Variants in HOMER1 observed in about 807,000 individuals in gnomAD.
HOMER1 encodes the protein homer protein homolog 1.
HOMER1 carries 3 observed loss-of-function variants against 48.9 expected under a neutral mutation model. That is an observed-to-expected ratio of 0.06 (90% CI 0.03 to 0.16). The LOEUF is 0.16. Ranked by LOEUF, HOMER1 falls within the 10% of genes least tolerant of loss-of-function variation. The pLI is 1.00. For synonymous variants in HOMER1, 134 were observed against 146.4 expected, an observed-to-expected ratio of 0.92 and a Z score of 0.61; for missense variants, 247 against 411.4, an observed-to-expected ratio of 0.60 and a Z score of 3.46.
chr5:79,394,913 T>C (rs528914274), intron 8 of HOMER1, among the ~76,000 whole-genome samples: 2 of 152,326 alleles, frequency 1.3e-5, no homozygotes, highest in African/African-American at 4.8e-5. Context: ...TTGATATAAA[T>C]ATATCATCTC....
intron 1 of HOMER1, among the ~76,000 whole-genome samples, chr5:79,460,055 A>G (rs995012836): frequency 6.6e-6 from 1 of 152,112 alleles, no homozygotes. Flanking sequence ...GGTTCTCACT[A>G]TATTGCCCAG....
chr5:79,383,570 G>A (rs1039362476), intron 8 of HOMER1, among the ~76,000 whole-genome samples: 1 of 152,002 alleles, frequency 6.6e-6, no homozygotes, highest in African/African-American at 2.4e-5. Context: ...ATTTTTAGTA[G>A]AGACAGAGTT....
intron 1 of HOMER1, among the ~76,000 whole-genome samples, chr5:79,466,806 T>C (rs951898885): frequency 6.6e-6 from 1 of 152,074 alleles, no homozygotes; most frequent in Non-Finnish European, 1.5e-5. Flanking sequence ...AAACTATTTT[T>C]TTTTTAGACA....
At chr5:79,449,938 T>C (rs1177105204) in intron 3 of HOMER1, among the ~76,000 whole-genome samples, 2 of 152,058 alleles carry the variant, frequency 1.3e-5, no homozygotes, top group Non-Finnish European at 2.9e-5. Flanking sequence ...GAAAATAAAA[T>C]AGATTCAATA....
intron 1 of HOMER1, among the ~76,000 whole-genome samples, chr5:79,508,101 C>T (rs1286986194): frequency 6.6e-6 from 1 of 152,176 alleles, no homozygotes; most frequent in African/African-American, 2.4e-5. Context: ...AGACACAAAA[C>T]CAAATTGTAA....
intron 1 of HOMER1, among the ~76,000 whole-genome samples, chr5:79,493,626 G>C (rs955584172): frequency 6.6e-6 from 1 of 151,986 alleles, no homozygotes; most frequent in Non-Finnish European, 1.5e-5. Flanking sequence ...CCTTTCCTTC[G>C]GTCTATGAGG....
chr5:79,449,692 C>T (rs182257932), intron 3 of HOMER1, among the ~76,000 whole-genome samples: 1 of 152,156 alleles, frequency 6.6e-6, no homozygotes, highest in Non-Finnish European at 1.5e-5. Flanking sequence ...CTAGGCCGGT[C>T]TTGAACTCCT....
At chr5:79,437,895 G>A (rs1009830306) in intron 5 of HOMER1, among the ~76,000 whole-genome samples, 1 of 152,092 alleles carries the variant, frequency 6.6e-6, no homozygotes, top group African/African-American at 2.4e-5. Context: ...GTCCTCAGGT[G>A]ATCCTCCTAC....
At chr5:79,402,455 C>T (rs767007693) in intron 5 of HOMER1, among the ~76,000 whole-genome samples, 1 of 152,166 alleles carries the variant, frequency 6.6e-6, no homozygotes, top group African/African-American at 2.4e-5. Flanking sequence ...AGGCGTGAGC[C>T]ACTGTGACCA....
rs1748673449 is a variant in HOMER1 at position 79,372,976 on chromosome 5, G to C, written c.*3033C>G. 1 of 152,084 alleles carries C rather than the reference G, an allele frequency of 6.6e-6. No individual in the cohort carries two copies. 9.4% of individuals were successfully genotyped at this position (152,084 alleles called of 1,614,324 possible). A position where few individuals can be genotyped will look rare whatever the true frequency, so the allele number is the denominator to read the frequency against. On this transcript the variant is annotated 3_prime_UTR_variant, in exon 9 of 9. Coordinates refer to ENST00000334082, the MANE Select transcript of HOMER1 (RefSeq NM_004272.5). ...GAACATCAAATCTATGATGGTGCTG[G>C]AGATCTTCTATAGAGACAAGGAGAG...
intron 1 of HOMER1, among the ~76,000 whole-genome samples, chr5:79,463,190 C>T (rs1440480104): frequency 6.6e-6 from 1 of 152,180 alleles, no homozygotes; most frequent in East Asian, 1.9e-4. Context: ...ATACTCTACC[C>T]TCTTCCATAT....
intron 7 of HOMER1, 41 bp from the exon 8 acceptor site, chr5:79,396,944 C>A: frequency 9.0e-7 from 1 of 1,115,884 alleles, no homozygotes; most frequent in Non-Finnish European, 1.3e-6. Flanking sequence ...CAAACTATAT[C>A]AAGGCAAGGG....
Position 79,452,055 on chromosome 5 carries a change from C to A in HOMER1, c.163-934G>T, listed in dbSNP as rs193073596. 4.3e-3 allele frequency among the ~76,000 whole-genome samples: 659 copies of A among 152,204 alleles called. 2 individuals carry two copies. The highest frequency in any genetic ancestry group is 7.0e-3 in the Non-Finnish European group (479 of 68,000). On this transcript the variant is annotated intron_variant, in intron 2 of 8. Coordinates refer to ENST00000334082, the MANE Select transcript of HOMER1 (RefSeq NM_004272.5). Reference sequence around the variant, plus strand: ...CCGGGACCCCTATGTATACTAAAAACCTATGCATACTCAAGTCCCATAGTC... The same window carrying A: ...CCGGGACCCCTATGTATACTAAAAAACTATGCATACTCAAGTCCCATAGTC...
intron 1 of HOMER1, among the ~76,000 whole-genome samples, chr5:79,491,576 G>A (rs542560528): frequency 3.3e-5 from 5 of 151,778 alleles, no homozygotes; most frequent in Non-Finnish European, 1.5e-5. Context: ...GTTGTTATGA[G>A]TTACTGTGAT....
At chr5:79,474,408 C>G (rs1751704083) in intron 1 of HOMER1, among the ~76,000 whole-genome samples, 1 of 151,958 alleles carries the variant, frequency 6.6e-6, no homozygotes, top group Non-Finnish European at 1.5e-5. Context: ...TATAGTGAGA[C>G]AGCAAATTTC....
rs1561339040 is a variant in HOMER1 at position 79,375,957 on chromosome 5, T to C, written c.*52A>G. On this transcript the variant is annotated 3_prime_UTR_variant, in exon 9 of 9. Transcript: ENST00000334082. The stretch of plus-strand genomic sequence containing the variant: ...TTGATGCAGAGCCTAAACAGTCCTA[T>C]GAAGAGAGACAGTGTATCTTTTAAT... 4 of 1,183,522 alleles carry C rather than the reference T, an allele frequency of 3.4e-6. No individual in the cohort carries two copies. In the South Asian group the frequency reaches 6.0e-5, roughly 18 times the overall value. 73.3% of individuals were successfully genotyped at this position (1,183,522 alleles called of 1,614,324 possible).
At chr5:79,389,259 T>C (rs989722292) in intron 8 of HOMER1, among the ~76,000 whole-genome samples, 11 of 151,756 alleles carry the variant, frequency 7.2e-5, no homozygotes, top group African/African-American at 2.7e-4. Flanking sequence ...GCCCCAATAC[T>C]GAATACATGA....
At chr5:79,472,591 G>A (rs1246575489) in intron 1 of HOMER1, among the ~76,000 whole-genome samples, 4 of 151,442 alleles carry the variant, frequency 2.6e-5, no homozygotes, top group South Asian at 4.2e-4. Flanking sequence ...CCTGGACCAC[G>A]TAGTGAGACC....
At position 79,510,861 on chromosome 5, in the gene HOMER1, C is replaced by CA. The variant is rs1273029645; in HGVS notation, c.5+1908dup. On this transcript the variant is annotated intron_variant, in intron 1 of 8. Coordinates refer to ENST00000334082, the MANE Select transcript of HOMER1 (RefSeq NM_004272.5). ...CAGCTTCAGTTCCAGCTCAGGCTCC[C>CA]AAAGGTGCCCAGGCCCCTACAGAGG... 5.6e-6 allele frequency: 4 copies of CA among 709,448 alleles called. No homozygotes were observed. The African/African-American group carries it at 6.9e-5, about 12-fold the overall frequency. The allele number at this position is 709,448 out of a possible 1,614,324, so 43.9% of individuals were successfully genotyped here.
Sources: gnomAD v4.1 joint callset for allele counts (sites outside exome capture counted in the v4.1 genomes callset) on GRCh38, gnomAD v4.1.1 for gene constraint, MANE v1.5 for transcripts, NCBI Gene and HGNC (gene_info 2026-07-23, HGNC 2026-07-21) for gene names.